The following DSP variants were observed in gnomAD, a reference collection of about 807,000 sequenced individuals.
DSP encodes the protein desmoplakin.
A neutral mutation model predicts 290.6 loss-of-function variants in DSP; 114 were observed. That is an observed-to-expected ratio of 0.39 (90% CI 0.34 to 0.46). The LOEUF (loss-of-function observed/expected upper bound fraction) is 0.46, where lower values mean the gene tolerates loss of function less well. Ranked by LOEUF, DSP falls within the 20% of genes least tolerant of loss-of-function variation. The pLI, the probability that DSP is intolerant of heterozygous loss-of-function variation, is 0.99. For missense variants in DSP, 3,230 were observed against 3,495.8 expected, an observed-to-expected ratio of 0.92 and a Z score of 1.92; for synonymous variants, 1,311 against 1,316.4, an observed-to-expected ratio of 1.00 and a Z score of 0.09.
At position 7,583,363 on chromosome 6, in the gene DSP, C is replaced by G; in HGVS notation, c.6101C>G (p.Ala2034Gly). Residue 2034 changes from alanine (A) to glycine (G), a missense_variant, in exon 24 of 24, where the codon GCC becomes GGC. By Grantham distance (60) the Ala-to-Gly change is moderately conservative. Coordinates refer to ENST00000379802, the MANE Select transcript of DSP (RefSeq NM_004415.4). This position sits in a 1 kb window ranked among gnomAD's most constrained non-coding sequence, Gnocchi z 4.0. ...AAGGAAAAATACTCTTTGGTAGAGGCCAAGAGAAAGAAATTAATCAGCCCA... is the reference window on the plus strand; with the variant it reads ...AAGGAAAAATACTCTTTGGTAGAGGGCAAGAGAAAGAAATTAATCAGCCCA... ...SPKEKYSLVE[A>G]KRKKLISPES... 6.2e-7 allele frequency: 1 copy of G among 1,614,126 alleles called. No individual in the cohort carries two copies. Among genetic ancestry groups the G allele is most frequent in the East Asian group, 2.2e-5 (1 of 44,892 alleles).
Position 7,582,859 on chromosome 6 carries a change from A to G in DSP, c.5597A>G (p.Gln1866Arg), listed in dbSNP as rs1231425417. Residue 1866 changes from glutamine (Q) to arginine (R), a missense_variant, in exon 24 of 24, where the codon CAG becomes CGG. Physicochemically the swap from Gln to Arg is conservative, Grantham distance 43. Transcript: ENST00000379802. The surrounding 1 kb of genome is among the most constrained non-coding windows in gnomAD (Gnocchi z 4.2). ...CAGCAAATTCAGAATGACCTGAATC[A>G]GTGGAAGACTCAATATTCCCGCAAG... ...EKQQIQNDLN[Q>R]WKTQYSRKEE... 3 of 1,614,174 alleles carry G rather than the reference A, an allele frequency of 1.9e-6. No homozygotes were observed. Among genetic ancestry groups the G allele is most frequent in the Middle Eastern group, 1.6e-4 (1 of 6,062 alleles).
At position 7,582,786 on chromosome 6, in the gene DSP, A is replaced by G; in HGVS notation, c.5524A>G (p.Thr1842Ala). 6.2e-7 allele frequency: 1 copy of G among 1,613,982 alleles called. No homozygotes were observed. Among genetic ancestry groups the G allele is most frequent in the Non-Finnish European group, 8.5e-7 (1 of 1,179,992 alleles). ...LEDELNRAKS[T>A]LEAETRVKQR... The stretch of plus-strand genomic sequence containing the variant: ...GGATGAGCTGAATCGTGCAAAATCA[A>G]CTCTAGAGGCAGAAACCAGGGTGAA... Residue 1842 changes from threonine (T) to alanine (A), a missense_variant, in exon 24 of 24, where the codon ACT (threonine) becomes GCT (alanine). Transcript: ENST00000379802. The surrounding 1 kb of genome is among the most constrained non-coding windows in gnomAD (Gnocchi z 4.2).
At chr6:7,547,995 C>T (rs1758215187) in intron 1 of DSP, among the ~76,000 whole-genome samples, 1 of 152,008 alleles carries the variant, frequency 6.6e-6, no homozygotes, top group East Asian at 1.9e-4. Context: ...TTCTGCCGGG[C>T]GCGGTGGCTC....
intron 22 of DSP, among the ~76,000 whole-genome samples, chr6:7,578,825 ATTTGC>A (rs1417991119): frequency 6.6e-6 from 1 of 152,204 alleles, no homozygotes; most frequent in African/African-American, 2.4e-5. Flanking sequence ...TGGTTAAGGA[ATTTGC>A]TTTATTTCTC....
chr6:7,548,325 A>G (rs1758230080), intron 1 of DSP, among the ~76,000 whole-genome samples: 1 of 152,008 alleles, frequency 6.6e-6, no homozygotes. Context: ...CTCCGCAAGT[A>G]AGAGCTATCA....
At position 7,566,355 on chromosome 6, in the gene DSP, TTTC is replaced by T; in HGVS notation, c.940-19_940-17del. The T allele has an allele frequency of 6.3e-7, 1 of 1,595,386 alleles. No individual in the cohort carries two copies. Among genetic ancestry groups the T allele is most frequent in the Non-Finnish European group, 8.6e-7 (1 of 1,164,480 alleles). ...TTTAATGATGACTTGCTGCAAAGGA[TTTC>T]TTATTTCTTCATTCACAGATACGCA... On this transcript the variant is annotated intron_variant, in intron 7 of 23. Transcript: ENST00000379802.
At chr6:7,569,143 T>A (rs1390184005) in intron 11 of DSP, 43 bp from the exon 12 acceptor site, 3 of 1,613,248 alleles carry the variant, frequency 1.9e-6, no homozygotes, top group Non-Finnish European at 2.5e-6. Flanking sequence ...TAAAAACACA[T>A]ACTTATGAAT....
chr6:7,547,853 C>T (rs1040795366), intron 1 of DSP, among the ~76,000 whole-genome samples: 3 of 152,162 alleles, frequency 2.0e-5, no homozygotes, highest in African/African-American at 7.2e-5. Context: ...CCTGAAATGC[C>T]TCACACTTAA....
intron 15 of DSP, 56 bp downstream of exon 15, chr6:7,572,124 A>C: frequency 1.4e-6 from 2 of 1,436,074 alleles, no homozygotes; most frequent in Non-Finnish European, 9.7e-7. Context: ...TTTACCTGTA[A>C]ATGAATAAAA....
At position 7,548,809 on chromosome 6, in the gene DSP, G is replaced by A. The variant is rs182967311; in HGVS notation, c.170+6724G>A. On this transcript the variant is annotated intron_variant, in intron 1 of 23. Coordinates refer to ENST00000379802, the MANE Select transcript of DSP (RefSeq NM_004415.4). ...CTCTGGTTGAGCTTTTGAAATCAGG[G>A]TAATGAGATGAGCCATAATACCCTC... Among the ~76,000 whole-genome samples, 343 of 152,298 alleles carry A rather than the reference G, an allele frequency of 2.3e-3. 1 individual carries two copies. Among genetic ancestry groups the A allele is most frequent in the African/African-American group, 8.0e-3 (334 of 41,566 alleles).
At position 7,580,172 on chromosome 6, in the gene DSP, G is replaced by A. The variant is rs746208168; in HGVS notation, c.3982G>A (p.Glu1328Lys). The part of the protein sequence containing the change: ...KTIQDKNKEI[E>K]RLKAEFQEEA... ...CATTCAGGACAAAAATAAGGAGATC[G>A]AGAGACTCAAAGCTGAGTTTCAGGA... Residue 1328 changes from glutamate (E) to lysine (K), a missense_variant, in exon 23 of 24, where the codon GAG (glutamate) becomes AAG (lysine). By Grantham distance (56) the Glu-to-Lys change is moderately conservative (BLOSUM62 1). Transcript: ENST00000379802. This position sits in a 1 kb window ranked among gnomAD's most constrained non-coding sequence, Gnocchi z 4.2. The A allele has an allele frequency of 6.8e-6, 11 of 1,614,028 alleles. No individual in the cohort carries two copies. Among genetic ancestry groups the A allele is most frequent in the South Asian group, 5.5e-5 (5 of 91,072 alleles).
chr6:7,555,627 G>A (rs1758484659), intron 1 of DSP, 91 bp from the exon 2 acceptor site: 2 of 1,107,890 alleles, frequency 1.8e-6, no homozygotes, highest in African/African-American at 1.5e-5. Flanking sequence ...GAGTGGTTTT[G>A]TCCCGTTTTT....
At position 7,585,930 on chromosome 6, in the gene DSP, A is replaced by G. The variant is rs747887720; in HGVS notation, c.*52A>G. On this transcript the variant is annotated 3_prime_UTR_variant, in exon 24 of 24. Transcript: ENST00000379802. ...CTTGACTTCATTTATATGAATTTCC[A>G]CTTTATTAAATAATAGAAAAGAAAA... The G allele has an allele frequency of 1.3e-6, 2 of 1,555,104 alleles. No individual in the cohort carries two copies.
rs1208535696 is a variant in DSP at position 7,580,080 on chromosome 6, A to C, written c.3890A>C (p.Gln1297Pro). 6.2e-7 allele frequency: 1 copy of C among 1,614,036 alleles called. No individual in the cohort carries two copies. The highest frequency in any genetic ancestry group is 1.3e-5 in the African/African-American group (1 of 74,914). ...CAGCATCTGGAGATAGAACTGAAGC[A>C]GGTCATGCAGCAGCGCTCTGAGGAC... ...KKQHLEIELKQVMQQRSEDNA... is the reference protein window; with the variant it reads ...KKQHLEIELKPVMQQRSEDNA... Residue 1297 changes from glutamine to proline, a missense_variant, in exon 23 of 24, where the codon CAG (glutamine) becomes CCG (proline). Gln to Pro is a moderately conservative substitution (Grantham distance 76). This residue lies in a region of DSP where 1,714 missense variants were observed against 1,844.5 expected (regional missense o/e 0.93). Transcript: ENST00000379802. This position sits in a 1 kb window ranked among gnomAD's most constrained non-coding sequence, Gnocchi z 4.2.
chr6:7,573,977 TC>T (rs1759144718), intron 15 of DSP, 108 bp from the exon 16 acceptor site: 5 of 1,171,372 alleles, frequency 4.3e-6, no homozygotes, highest in Non-Finnish European at 6.3e-6. Context: ...CCTGATGTAA[TC>T]ATTTCACTGT....
At chr6:7,575,166 T>C in intron 17 of DSP, 129 bp from the exon 18 acceptor site, 3 of 884,052 alleles carry the variant, frequency 3.4e-6, no homozygotes, top group Non-Finnish European at 5.4e-6. Context: ...CTGGATTGAC[T>C]GTTAACACTT....
intron 1 of DSP, among the ~76,000 whole-genome samples, chr6:7,550,967 TTTAAAAAAATGTGTATACG>T (rs1758324603): frequency 6.6e-6 from 1 of 152,098 alleles, no homozygotes; most frequent in Non-Finnish European, 1.5e-5. Flanking sequence ...AGGGTAGGGA[TTTAAAAAAATGTGTATACG>T]CTTGTAAGTA....
Position 7,586,309 on chromosome 6 carries a change from C to T in DSP, c.*431C>T, listed in dbSNP as rs1185442098. The T allele has an allele frequency of 5.5e-6, 1 of 182,362 alleles. No homozygotes were observed. Among genetic ancestry groups the T allele is most frequent in the African/African-American group, 2.4e-5 (1 of 41,594 alleles). The allele number at this position is 182,362 out of a possible 1,614,324, so 11.3% of individuals were successfully genotyped here. ...CATATTCTGTATTAGGAGAAAATTA[C>T]CCTCCCAGCACCAGCCCCCCTCTCA... On this transcript the variant is annotated 3_prime_UTR_variant, in exon 24 of 24. Transcript: ENST00000379802.
chr6:7,557,148 T>C (rs1758526919), intron 2 of DSP, among the ~76,000 whole-genome samples: 1 of 152,232 alleles, frequency 6.6e-6, no homozygotes, highest in African/African-American at 2.4e-5. Context: ...GAAAGATCAG[T>C]AGGTGTTACT....
Sources: gnomAD v4.1 joint callset for allele counts (sites outside exome capture counted in the v4.1 genomes callset) on GRCh38, gnomAD v4.1.1 for gene constraint, gnomAD v4.1.1 regional missense constraint, Gnocchi (gnomAD v3.1) non-coding constraint, MANE v1.5 for transcripts, NCBI Gene and HGNC (gene_info 2026-07-23, HGNC 2026-07-21) for gene names.